GTF2A2: variants seen among roughly 807,000 people sequenced by gnomAD.
The protein encoded by GTF2A2 is general transcription factor IIA subunit 2, also known as transcription initiation factor IIA subunit 2.
Under a neutral mutation model 14.3 loss-of-function variants are expected in GTF2A2, and 9 were observed. The ratio of observed to expected loss-of-function variants is 0.63; its 90% confidence interval spans 0.38 to 1.10. GTF2A2 has a LOEUF of 1.10. GTF2A2 is among the 50% of genes least tolerant of loss of function. GTF2A2 has a pLI of 0.01. For synonymous variants in GTF2A2, 56 were observed against 46.0 expected (o/e 1.22, Z -0.88); for missense variants, 90 against 124.6 (o/e 0.72, Z 1.32).
intron 4 of GTF2A2, 126 bp from the exon 5 acceptor site, chr15:59,639,283 G>A: frequency 1.5e-6 from 1 of 689,006 alleles, no homozygotes; most frequent in Non-Finnish European, 2.7e-6. Context: ...TGCAGGGTGG[G>A]GAAGAACAGG....
intron 3 of GTF2A2, among the ~76,000 whole-genome samples, chr15:59,644,795 G>GT (rs1891548445): frequency 6.6e-6 from 1 of 152,210 alleles, no homozygotes; most frequent in South Asian, 2.1e-4. Context: ...AAAACAGAAC[G>GT]TGTCAGGAGG....
At chr15:59,655,443 T>A (rs528773071) in intron 1 of GTF2A2, among the ~76,000 whole-genome samples, 7 of 152,244 alleles carry the variant, frequency 4.6e-5, no homozygotes, top group African/African-American at 1.7e-4. Context: ...ACTCAGAATA[T>A]TGGACACAGC....
chr15:59,654,436 A>G (rs1444697156), intron 1 of GTF2A2, among the ~76,000 whole-genome samples: 2 of 152,178 alleles, frequency 1.3e-5, no homozygotes, highest in East Asian at 3.9e-4. Flanking sequence ...ACTCCATCAG[A>G]AAGGCCTTCT....
At chr15:59,645,169 C>T (rs1891561060) in intron 3 of GTF2A2, among the ~76,000 whole-genome samples, 1 of 152,094 alleles carries the variant, frequency 6.6e-6, no homozygotes, top group Non-Finnish European at 1.5e-5. Context: ...AATGCATTCA[C>T]AGAAAAAGCT....
chr15:59,644,685 G>A (rs1255173318), intron 3 of GTF2A2, among the ~76,000 whole-genome samples: 6 of 152,232 alleles, frequency 3.9e-5, no homozygotes, highest in African/African-American at 1.4e-4. Flanking sequence ...CTCTCAAAAA[G>A]TGAAGTTTAA....
intron 4 of GTF2A2, among the ~76,000 whole-genome samples, chr15:59,640,555 C>G (rs373692194): frequency 6.6e-6 from 1 of 152,144 alleles, no homozygotes; most frequent in Non-Finnish European, 1.5e-5. Flanking sequence ...GCTGCCCATA[C>G]CCACATTTCA....
intron 3 of GTF2A2, 99 bp downstream of exon 3, chr15:59,650,570 C>A: frequency 1.6e-6 from 1 of 644,718 alleles, no homozygotes; most frequent in South Asian, 2.1e-5. Context: ...TAAGCCACCT[C>A]TTCCTCTTAT....
intron 2 of GTF2A2, chr15:59,651,580 T>A (rs1891793721): frequency 6.6e-6 from 1 of 152,212 alleles, no homozygotes; most frequent in Admixed American, 6.5e-5. Flanking sequence ...AGACTTAAAT[T>A]GGACAAAACT....
At chr15:59,641,799 G>C (rs1220938468) in intron 4 of GTF2A2, among the ~76,000 whole-genome samples, 2 of 152,074 alleles carry the variant, frequency 1.3e-5, no homozygotes, top group African/African-American at 4.8e-5. Flanking sequence ...GAAACCATAG[G>C]ATTGTAAAAA....
At chr15:59,649,568 G>A (rs1222250120) in intron 3 of GTF2A2, among the ~76,000 whole-genome samples, 2 of 152,080 alleles carry the variant, frequency 1.3e-5, no homozygotes, top group African/African-American at 4.8e-5. Context: ...ACTAATTTTG[G>A]CAGAATCATT....
At chr15:59,655,861 C>T (rs1473573991) in intron 1 of GTF2A2, among the ~76,000 whole-genome samples, 4 of 152,140 alleles carry the variant, frequency 2.6e-5, no homozygotes, top group Non-Finnish European at 5.9e-5. Context: ...TATCCAATTC[C>T]TAGCAAATAC....
At chr15:59,643,783 G>C (rs1397449084) in intron 3 of GTF2A2, among the ~76,000 whole-genome samples, 1 of 106 alleles carries the variant, frequency 9.4e-3, no homozygotes, top group African/African-American at 0.031. Context: ...ATTTTTAGTA[G>C]AGATGGGTTT....
chr15:59,647,825 C>G (rs182575957), intron 3 of GTF2A2, among the ~76,000 whole-genome samples: 50 of 152,254 alleles, frequency 3.3e-4, no homozygotes, highest in African/African-American at 1.2e-3. Context: ...CCACCTTGAC[C>G]TCCCAAAGTG....
At chr15:59,654,770 C>G (rs1208545639) in intron 1 of GTF2A2, among the ~76,000 whole-genome samples, 1 of 152,182 alleles carries the variant, frequency 6.6e-6, no homozygotes, top group Admixed American at 6.5e-5. Context: ...ACAGCCACAT[C>G]CAGCTACCTA....
chr15:59,641,992 A>G, intron 4 of GTF2A2, 144 bp downstream of exon 4: 2 of 599,308 alleles, frequency 3.3e-6, no homozygotes, highest in Non-Finnish European at 5.8e-6. Flanking sequence ...ATCAGAATTT[A>G]GTGGAGATAA....
intron 2 of GTF2A2, 186 bp downstream of exon 2, chr15:59,652,020 T>A: frequency 2.0e-6 from 1 of 499,878 alleles, no homozygotes; most frequent in South Asian, 2.8e-5. Context: ...TTCAATCATG[T>A]TTTGTGTCCT....
chr15:59,650,676 T>C lies in GTF2A2; in HGVS notation c.170A>G (p.Asn57Ser), dbSNP rs778052949. 9.6e-6 allele frequency: 15 copies of C among 1,570,590 alleles called. No individual in the cohort carries two copies. The highest frequency in any genetic ancestry group is 2.7e-5 in the African/African-American group (2 of 74,012). The change falls in exon 3 of 5, where the codon AAT becomes AGT. Residue 57 changes from asparagine to serine, a missense_variant. Asn to Ser is a conservative substitution (Grantham distance 46). Transcript: ENST00000396060. ...TCAGGAAAATATCCTTACCCTGAAA[T>C]TGACTCTGTTCCTGACCCTCTGAGC... Reference protein sequence around the residue: ...ALAQRVRNRVNFRGSLNTYRF... With the variant: ...ALAQRVRNRVSFRGSLNTYRF...
Position 59,652,236 on chromosome 15 carries a change from A to T in GTF2A2, c.42T>A (p.Ser14Arg), listed in dbSNP as rs1891815387. The T allele has an allele frequency of 6.2e-7, 1 of 1,602,804 alleles. No homozygotes were observed. Residue 14 changes from serine (S) to arginine (R), a missense_variant, in exon 2 of 5, where the codon AGT becomes AGA. Physicochemically the swap from Ser to Arg is moderately radical, Grantham distance 110 (BLOSUM62 -1). Coordinates refer to ENST00000396060, the MANE Select transcript of GTF2A2 (RefSeq NM_004492.3). ...QLYRNTTLGN[S>R]LQESLDELIQ... The stretch of plus-strand genomic sequence containing the variant: ...TGAGCTCATCTAGGCTCTCCTGAAG[A>T]CTGTTTCCCAAAGTAGTATTTCTGT...
At chr15:59,649,704 G>T (rs1891732763) in intron 3 of GTF2A2, among the ~76,000 whole-genome samples, 1 of 152,110 alleles carries the variant, frequency 6.6e-6, no homozygotes, top group African/African-American at 2.4e-5. Flanking sequence ...AAAATACATG[G>T]AGATTTTATC....
Sources: allele counts gnomAD v4.1 joint callset (sites outside exome capture counted in the v4.1 genomes callset), GRCh38; gene constraint gnomAD v4.1.1; transcripts MANE v1.5; gene names NCBI Gene and HGNC (gene_info 2026-07-23, HGNC 2026-07-21).